Variants in ACOXL observed in about 807,000 individuals in gnomAD.
ACOXL encodes the protein acyl-CoA oxidase like.
In ACOXL, 70 loss-of-function variants were observed where a neutral mutation model predicts 71.9. The ratio of observed to expected loss-of-function variants is 0.97; its 90% CI spans 0.80 to 1.19. The LOEUF (loss-of-function observed/expected upper bound fraction) is 1.19, where lower values mean the gene tolerates loss of function less well. ACOXL is among the 50% of genes most tolerant of loss of function. ACOXL has a pLI of 0.00. For synonymous variants in ACOXL, 253 were observed against 281.6 expected, an observed-to-expected ratio of 0.90 and a Z score of 1.02; for missense variants, 703 against 736.3, an observed-to-expected ratio of 0.95 and a Z score of 0.52.
At chr2:110,757,394 A>G (rs989115746) in intron 1 of ACOXL, among the ~76,000 whole-genome samples, 2 of 152,162 alleles carry the variant, frequency 1.3e-5, no homozygotes, top group African/African-American at 4.8e-5. Flanking sequence ...AGAATGATTT[A>G]TATTCCTTTG....
At chr2:110,818,875 C>T (rs1688283098) in intron 9 of ACOXL, among the ~76,000 whole-genome samples, 3 of 64,644 alleles carry the variant, frequency 4.6e-5, no homozygotes, top group Non-Finnish European at 1.0e-4. Flanking sequence ...TCAGCCAAAG[C>T]TGACCTGGCT....
In ACOXL at chr2:111,117,942, G is replaced by A; in HGVS notation, c.*126G>A. The A allele has an allele frequency of 8.2e-7, 1 of 1,212,706 alleles. No individual in the cohort carries two copies. Among genetic ancestry groups the A allele is most frequent in the Non-Finnish European group, 1.1e-6 (1 of 893,166 alleles). 75.1% of individuals were successfully genotyped at this position (1,212,706 alleles called of 1,614,324 possible). ...GGCCGCCACTCTCGGGGATTTTGGT[G>A]GCAAAGCGGAGGTCCCGCCGAGGCT... On this transcript the variant is annotated 3_prime_UTR_variant, in exon 18 of 18. Transcript: ENST00000439055.
chr2:110,961,147 G>A (rs182237945), intron 12 of ACOXL, among the ~76,000 whole-genome samples: 69 of 152,248 alleles, frequency 4.5e-4, no homozygotes, highest in African/African-American at 1.6e-3. Flanking sequence ...GATTTTTCTC[G>A]TTGCCATTTC....
intron 1 of ACOXL, among the ~76,000 whole-genome samples, chr2:110,762,743 C>G (rs1444526085): frequency 1.3e-5 from 2 of 151,950 alleles, no homozygotes; most frequent in Non-Finnish European, 2.9e-5. Flanking sequence ...GCAACCTTCC[C>G]CTCCTAGGCT....
chr2:110,875,554 G>C (rs1385606475), intron 10 of ACOXL, among the ~76,000 whole-genome samples: 1 of 152,182 alleles, frequency 6.6e-6, no homozygotes, highest in Non-Finnish European at 1.5e-5. Context: ...TGTGGTCCTG[G>C]TGTTTGGGTG....
At chr2:111,104,726 T>C (rs13388990) in intron 17 of ACOXL, among the ~76,000 whole-genome samples, 65,664 of 151,962 alleles carry the variant, frequency 0.43, 14,566 homozygotes, top group Non-Finnish European at 0.47. Context: ...TACTAGTCCT[T>C]TGTCAGATAT....
chr2:111,046,616 T>A (rs1412114296), intron 15 of ACOXL, among the ~76,000 whole-genome samples: 1 of 152,130 alleles, frequency 6.6e-6, no homozygotes, highest in African/African-American at 2.4e-5. Flanking sequence ...TCAGATCTCA[T>A]GAGAACTCAC....
At chr2:110,853,479 A>G (rs986314435) in intron 10 of ACOXL, among the ~76,000 whole-genome samples, 1 of 152,204 alleles carries the variant, frequency 6.6e-6, no homozygotes, top group African/African-American at 2.4e-5. Context: ...AAAGGCTCAC[A>G]TGCATGTTGG....
intron 15 of ACOXL, among the ~76,000 whole-genome samples, chr2:111,033,953 G>T (rs1299658106): frequency 6.6e-6 from 1 of 152,244 alleles, no homozygotes; most frequent in Non-Finnish European, 1.5e-5. Context: ...GGAAGTCAAA[G>T]AATCACTGCA....
At chr2:110,739,504 T>C (rs1296598250) in intron 1 of ACOXL, among the ~76,000 whole-genome samples, 1 of 152,242 alleles carries the variant, frequency 6.6e-6, no homozygotes, top group Non-Finnish European at 1.5e-5. Flanking sequence ...GGAAATGGTC[T>C]AGGGTGTCCA....
rs1396346790 is a variant in ACOXL at position 110,805,284 on chromosome 2, T to G, written c.642T>G (p.Asp214Glu). The G allele has an allele frequency of 1.2e-6, 2 of 1,614,170 alleles. No homozygotes were observed. Among genetic ancestry groups the G allele is most frequent in the East Asian group, 2.2e-5 (1 of 44,874 alleles). The stretch of plus-strand genomic sequence containing the variant: ...ACAGGTTTGGTTCCGTGGCTCCAGA[T>G]GGACAGTACCATTCGCCTATTAGGA... ...LLDKFGSVAP[D>E]GQYHSPIRNK... Residue 214 changes from aspartate (D) to glutamate (E), a missense_variant, in exon 9 of 18, where the codon GAT (aspartate) becomes GAG (glutamate). Transcript: ENST00000439055.
At chr2:110,780,044 A>G (rs1343701854) in intron 2 of ACOXL, among the ~76,000 whole-genome samples, 1 of 152,262 alleles carries the variant, frequency 6.6e-6, no homozygotes, top group Non-Finnish European at 1.5e-5. Flanking sequence ...AAAAATCTGT[A>G]ATGCATATAT....
intron 16 of ACOXL, among the ~76,000 whole-genome samples, chr2:111,086,181 T>C (rs1029067358): frequency 1.3e-5 from 2 of 152,004 alleles, no homozygotes; most frequent in East Asian, 1.9e-4. Context: ...TTTCAAAACA[T>C]TGAGAAAGGA....
intron 10 of ACOXL, among the ~76,000 whole-genome samples, chr2:110,859,524 C>T (rs900861058): frequency 1.3e-5 from 2 of 152,122 alleles, no homozygotes; most frequent in African/African-American, 4.8e-5. Context: ...AAGAGCACAC[C>T]TGGAGGAAGG....
intron 17 of ACOXL, among the ~76,000 whole-genome samples, chr2:111,117,179 C>T (rs1031182014): frequency 6.6e-6 from 1 of 152,220 alleles, no homozygotes; most frequent in Non-Finnish European, 1.5e-5. Context: ...TGTTCAGTTC[C>T]CTCTGCGCGC....
chr2:110,822,171 C>T (rs1688690224), intron 9 of ACOXL, among the ~76,000 whole-genome samples: 1 of 152,076 alleles, frequency 6.6e-6, no homozygotes, highest in East Asian at 1.9e-4. Context: ...ACTTCTAGGC[C>T]TTTCCAGTTG....
intron 14 of ACOXL, among the ~76,000 whole-genome samples, chr2:111,001,073 C>T (rs2063604396): frequency 6.6e-6 from 1 of 152,152 alleles, no homozygotes. Context: ...AAAGGTAAGT[C>T]TTAAGTCATG....
intron 9 of ACOXL, among the ~76,000 whole-genome samples, chr2:110,815,550 A>G (rs1395601441): frequency 6.6e-6 from 1 of 152,190 alleles, no homozygotes; most frequent in East Asian, 1.9e-4. Context: ...TTCATATTTA[A>G]AATGTATGTG....
At chr2:111,111,151 G>A (rs2069924153) in intron 17 of ACOXL, among the ~76,000 whole-genome samples, 1 of 152,070 alleles carries the variant, frequency 6.6e-6, no homozygotes, top group African/African-American at 2.4e-5. Flanking sequence ...CCAGGTTGGA[G>A]TGCAGTGGCA....
Sources: gnomAD v4.1 joint callset for allele counts (sites outside exome capture counted in the v4.1 genomes callset) on GRCh38, gnomAD v4.1.1 for gene constraint, MANE v1.5 for transcripts, NCBI Gene and HGNC (gene_info 2026-07-23, HGNC 2026-07-21) for gene names.